COL25A1: variants seen among roughly 807,000 people sequenced by gnomAD.
COL25A1 encodes the protein collagen type XXV alpha 1 chain.
A neutral mutation model predicts 128.4 loss-of-function variants in COL25A1; 103 were observed. That is an observed-to-expected ratio of 0.80 (90% confidence interval 0.68 to 0.94). COL25A1 has a LOEUF of 0.94. Among genes scored for constraint, COL25A1 ranks in the 40% least tolerant of loss-of-function variants. COL25A1 has a pLI of 0.00. For missense variants in COL25A1, 745 were observed against 840.0 expected (o/e 0.89, Z 1.40); for synonymous variants, 279 against 277.2 (o/e 1.01, Z -0.06).
chr4:108,889,238 C>A lies in COL25A1; in HGVS notation c.958G>T (p.Gly320Cys), dbSNP rs1741180849. The change falls in exon 18 of 38, where the codon GGT becomes TGT. Residue 320 changes from glycine (G) to cysteine (C), a missense_variant. Gly to Cys is a radical substitution (Grantham distance 159). Transcript: ENST00000399132. ...AGIKGEPGES[G>C]RPGQKGEPGL... ...GATATTACCTTTTGCCCTGGACGAC[C>A]AGATTCCCCAGGTTCTCCCTGGCCA... is the stretch of plus-strand genomic sequence containing the variant. 6.2e-7 allele frequency: 1 copy of A among 1,613,524 alleles called. No individual in the cohort carries two copies. Among genetic ancestry groups the A allele is most frequent in the African/African-American group, 1.3e-5 (1 of 74,868 alleles).
intron 3 of COL25A1, among the ~76,000 whole-genome samples, chr4:109,101,418 T>TA (rs1765879547): frequency 6.6e-6 from 1 of 152,186 alleles, no homozygotes; most frequent in African/African-American, 2.4e-5. Flanking sequence ...GCCACAAATC[T>TA]AAGCCTATCT....
At chr4:109,001,377 A>ATCTGAGATCCTGTCAGGTAGGCG (rs1755362023) in intron 6 of COL25A1, among the ~76,000 whole-genome samples, 1 of 152,190 alleles carries the variant, frequency 6.6e-6, no homozygotes, top group Non-Finnish European at 1.5e-5. Flanking sequence ...AGAAACAGGC[A>ATCTGAGATCCTGTCAGGTAGGCG]TCTGAGATCC....
chr4:108,863,485 G>T, intron 20 of COL25A1, 98 bp from the exon 21 acceptor site: 1 of 940,758 alleles, frequency 1.1e-6, no homozygotes. Flanking sequence ...AGAAAGCAGA[G>T]AGTTTTCATT....
chr4:108,962,128 G>T (rs912845796), intron 8 of COL25A1, among the ~76,000 whole-genome samples: 4 of 151,692 alleles, frequency 2.6e-5, no homozygotes, highest in Admixed American at 2.6e-4. Flanking sequence ...CTCTCACTCT[G>T]CCATGGCAAT....
intron 3 of COL25A1, among the ~76,000 whole-genome samples, chr4:109,233,808 T>C (rs1052804901): frequency 6.6e-6 from 1 of 152,138 alleles, no homozygotes; most frequent in Non-Finnish European, 1.5e-5. Context: ...GAGGCCAAAG[T>C]ACATAATGTA....
intron 19 of COL25A1, among the ~76,000 whole-genome samples, 160 bp from the exon 20 acceptor site, chr4:108,869,310 ACTT>A (rs774797648): frequency 2.0e-5 from 3 of 152,106 alleles, no homozygotes; most frequent in Non-Finnish European, 4.4e-5. Context: ...TGCCCTATGT[ACTT>A]CTTCATTTGG....
chr4:108,952,888 G>A (rs1200026339), intron 8 of COL25A1, among the ~76,000 whole-genome samples: 2 of 117,874 alleles, frequency 1.7e-5, no homozygotes, highest in Non-Finnish European at 3.2e-5. Context: ...GAAAGCATAA[G>A]TGTCCTGCCA....
intron 6 of COL25A1, among the ~76,000 whole-genome samples, chr4:108,986,827 G>A (rs1000895869): frequency 1.3e-5 from 2 of 152,114 alleles, no homozygotes; most frequent in African/African-American, 4.8e-5. Flanking sequence ...TAAAATGGTG[G>A]TTATGTTTTC....
intron 15 of COL25A1, among the ~76,000 whole-genome samples, chr4:108,897,677 T>A (rs1742305885): frequency 6.6e-6 from 1 of 152,238 alleles, no homozygotes; most frequent in Non-Finnish European, 1.5e-5. Context: ...GCATTACTAT[T>A]CACATATTCC....
chr4:108,883,202 T>G (rs1464936775), intron 19 of COL25A1, among the ~76,000 whole-genome samples: 3 of 152,072 alleles, frequency 2.0e-5, no homozygotes, highest in African/African-American at 7.2e-5. Context: ...ATTTTTTTTG[T>G]ATTTTTCATA....
intron 3 of COL25A1, among the ~76,000 whole-genome samples, chr4:109,062,854 A>G (rs1192546603): frequency 6.6e-6 from 1 of 152,226 alleles, no homozygotes; most frequent in Non-Finnish European, 1.5e-5. Flanking sequence ...ATTACTATAA[A>G]TAACATAAAT....
chr4:109,065,543 C>CGTGTGT (rs1187712811), intron 3 of COL25A1, among the ~76,000 whole-genome samples: 6 of 131,216 alleles, frequency 4.6e-5, no homozygotes, highest in East Asian at 4.4e-4. Flanking sequence ...CGCGCGCGCG[C>CGTGTGT]GCGTGTGTGT....
chr4:108,937,716 G>T, intron 11 of COL25A1, 92 bp downstream of exon 11: 1 of 1,097,324 alleles, frequency 9.1e-7, no homozygotes, highest in Non-Finnish European at 1.3e-6. Context: ...ATTATAGTCT[G>T]TCATATGACA....
intron 3 of COL25A1, among the ~76,000 whole-genome samples, chr4:109,197,414 T>TTATATATTATATATAAATATATATTA (rs1560850169): frequency 2.4e-5 from 3 of 125,116 alleles, no homozygotes; most frequent in African/African-American, 9.0e-5. Flanking sequence ...AAAATATATA[T>TTATATATTATATATAAATATATATTA]TATATATTAT....
At chr4:109,215,927 G>A (rs992787645) in intron 3 of COL25A1, among the ~76,000 whole-genome samples, 24 of 151,920 alleles carry the variant, frequency 1.6e-4, no homozygotes, top group African/African-American at 3.6e-4. Flanking sequence ...TTTTTAATAC[G>A]TTACATGTGT....
At chr4:108,934,591 T>C (rs983662887) in intron 11 of COL25A1, among the ~76,000 whole-genome samples, 2 of 152,198 alleles carry the variant, frequency 1.3e-5, no homozygotes, top group Non-Finnish European at 2.9e-5. Context: ...AATATACAGG[T>C]GCTATTCAAG....
intron 11 of COL25A1, among the ~76,000 whole-genome samples, chr4:108,930,899 G>A (rs1280064447): frequency 6.6e-6 from 1 of 152,140 alleles, no homozygotes; most frequent in South Asian, 2.1e-4. Flanking sequence ...TTTGCCCTAA[G>A]TCTGCAAATG....
chr4:108,924,320 T>A (rs1166889034), intron 11 of COL25A1, among the ~76,000 whole-genome samples: 1 of 152,220 alleles, frequency 6.6e-6, no homozygotes, highest in African/African-American at 2.4e-5. Context: ...AGATAAAAAC[T>A]GGTGAACACA....
rs533564350 is a variant in COL25A1, at chr4:109,072,801, G to A, written c.368-22622C>T. 5.3e-5 allele frequency among the ~76,000 whole-genome samples: 8 copies of A among 152,252 alleles called. No individual in the cohort carries two copies. In the South Asian group the frequency reaches 1.7e-3, roughly 32 times the overall value. On this transcript the variant is annotated intron_variant, in intron 3 of 37. Coordinates refer to ENST00000399132, the MANE Select transcript of COL25A1 (RefSeq NM_198721.4). The stretch of plus-strand genomic sequence containing the variant: ...CATAAATTTCGCAATCAGCACTACA[G>A]CTGCCAAGCTATTCCTTGCCCAGAT...
Sources: allele counts gnomAD v4.1 joint callset (sites outside exome capture counted in the v4.1 genomes callset), GRCh38; gene constraint gnomAD v4.1.1; transcripts MANE v1.5; gene names NCBI Gene and HGNC (gene_info 2026-07-23, HGNC 2026-07-21).